The following DOCK3 variants were observed in gnomAD, a reference collection of about 807,000 sequenced individuals.
DOCK3 encodes dedicator of cytokinesis protein 3.
In DOCK3, 60 loss-of-function variants were observed where a neutral mutation model predicts 265.6. That is an observed-to-expected ratio of 0.23 (90% confidence interval 0.18 to 0.28). The LOEUF (loss-of-function observed/expected upper bound fraction) is 0.28, where lower values mean the gene tolerates loss of function less well. Ranked by LOEUF, DOCK3 falls within the 10% of genes least tolerant of loss-of-function variation. DOCK3 has a pLI of 1.00. For synonymous variants in DOCK3, 881 were observed against 938.0 expected (o/e 0.94, Z 1.11); for missense variants, 1,981 against 2,594.3 (o/e 0.76, Z 5.14).
At chr3:51,366,856 G>A (rs1009313983) in intron 49 of DOCK3, among the ~76,000 whole-genome samples, 8 of 152,182 alleles carry the variant, frequency 5.3e-5, no homozygotes, top group African/African-American at 1.4e-4. Flanking sequence ...CTGAGGCACC[G>A]TTTGTTATAA....
intron 3 of DOCK3, among the ~76,000 whole-genome samples, chr3:50,847,703 G>A (rs1034611661): frequency 2.0e-5 from 3 of 151,880 alleles, no homozygotes; most frequent in African/African-American, 2.4e-5. Context: ...GGACAACATG[G>A]TAAAACCCCA....
In DOCK3 at chr3:50,910,299, A is replaced by G. The variant is rs879284395; in HGVS notation, c.218+20218A>G. Among the ~76,000 whole-genome samples the G allele has an allele frequency of 4.6e-5, 7 of 151,860 alleles. No homozygotes were observed. The East Asian group carries it at 9.7e-4, about 21-fold the overall frequency. On this transcript the variant is annotated intron_variant, in intron 4 of 52. Coordinates refer to ENST00000266037, the MANE Select transcript of DOCK3 (RefSeq NM_004947.5). ...TGCAGTCATTTGGAGAAGAAAAGGC[A>G]CTCTGGCTTTTTGAGTTTCCAGCAT...
At chr3:51,348,779 C>T (rs374091295) in intron 38 of DOCK3, 73 bp from the exon 39 acceptor site, 1 of 1,442,444 alleles carries the variant, frequency 6.9e-7, no homozygotes, top group East Asian at 2.5e-5. Flanking sequence ...TGTGTGTCTT[C>T]TGATGTGTTT....
rs866787116 is a variant in DOCK3, at chr3:51,254,376, A to G, written c.2185-5780A>G. On this transcript the variant is annotated intron_variant, in intron 22 of 52. Coordinates refer to ENST00000266037, the MANE Select transcript of DOCK3 (RefSeq NM_004947.5). Reference sequence around the variant, plus strand: ...GGGGTGGAGAGTTCTATAAATGTCTATTAGGTCCACTTGGTGCAGAGCTGA... The same window carrying G: ...GGGGTGGAGAGTTCTATAAATGTCTGTTAGGTCCACTTGGTGCAGAGCTGA... 3.9e-4 allele frequency among the ~76,000 whole-genome samples: 60 copies of G among 152,306 alleles called. 1 individual carries two copies. The highest frequency in any genetic ancestry group is 1.4e-3 in the African/African-American group (57 of 41,558).
intron 4 of DOCK3, among the ~76,000 whole-genome samples, chr3:50,900,267 C>T (rs1488319195): frequency 2.0e-5 from 3 of 152,016 alleles, no homozygotes; most frequent in Non-Finnish European, 2.9e-5. Flanking sequence ...TTGATCGGTT[C>T]GGCTATTGAT....
intron 12 of DOCK3, among the ~76,000 whole-genome samples, chr3:51,168,075 A>C (rs2107602219): frequency 6.6e-6 from 1 of 152,320 alleles, no homozygotes; most frequent in East Asian, 1.9e-4. Flanking sequence ...CTGTGGGCTC[A>C]TGGTAAATGG....
chr3:50,959,534 G>GTA lies in DOCK3; in HGVS notation c.315+25458_315+25459insAT. ...TCACATTTTACTCTTTTTATGTTGT[G>GTA]TGTGTGTGTGTGTGTGTGTGTGTGT... is the stretch of plus-strand genomic sequence containing the variant. On this transcript the variant is annotated intron_variant, in intron 5 of 52. Transcript: ENST00000266037. Among the ~76,000 whole-genome samples the GTA allele has an allele frequency of 2.2e-5, 3 of 134,368 alleles. 1 individual carries two copies. In the South Asian group the frequency reaches 7.1e-4, roughly 32 times the overall value. 88.2% of individuals were successfully genotyped at this position (134,368 alleles called of 152,430 possible).
chr3:50,704,253 T>C (rs1315378802), intron 1 of DOCK3, among the ~76,000 whole-genome samples: 3 of 152,196 alleles, frequency 2.0e-5, no homozygotes, highest in Non-Finnish European at 4.4e-5. Context: ...TCTGCAGCAG[T>C]TGGATAAAAT....
At position 50,723,375 on chromosome 3, in the gene DOCK3, A is replaced by T. The variant is rs2037596812; in HGVS notation, c.37+48075A>T. Among the ~76,000 whole-genome samples the T allele has an allele frequency of 3.9e-5, 6 of 152,334 alleles. No homozygotes were observed. In the South Asian group the frequency reaches 1.2e-3, roughly 32 times the overall value. On this transcript the variant is annotated intron_variant, in intron 1 of 52. Coordinates refer to ENST00000266037, the MANE Select transcript of DOCK3 (RefSeq NM_004947.5). ...GAAAGTGGAATAAAAGAAATAATTC[A>T]AAAAGTAATGACTGGGTGGGTGTGG...
chr3:51,067,091 A>T (rs1399080349), intron 6 of DOCK3, among the ~76,000 whole-genome samples: 1 of 152,232 alleles, frequency 6.6e-6, no homozygotes. Flanking sequence ...TGATAAGAAT[A>T]CAGTAATTGC....
chr3:51,194,407 CAGTT>C, intron 12 of DOCK3, among the ~76,000 whole-genome samples: 1 of 152,268 alleles, frequency 6.6e-6, no homozygotes, highest in South Asian at 2.1e-4. Flanking sequence ...TCTGAAATGT[CAGTT>C]AGCTCCATTG....
chr3:50,967,120 C>CT (rs890724129), intron 5 of DOCK3, among the ~76,000 whole-genome samples: 2 of 152,078 alleles, frequency 1.3e-5, no homozygotes, highest in African/African-American at 4.8e-5. Flanking sequence ...CTGTTGAACA[C>CT]TAGAACTTAT....
intron 2 of DOCK3, among the ~76,000 whole-genome samples, chr3:50,821,302 T>C (rs2044411796): frequency 6.6e-6 from 1 of 151,946 alleles, no homozygotes; most frequent in Admixed American, 6.6e-5. Flanking sequence ...CTAGGATTTT[T>C]TTTTCTTTTT....
At chr3:50,814,455 A>G (rs1397460187) in intron 2 of DOCK3, among the ~76,000 whole-genome samples, 1 of 151,624 alleles carries the variant, frequency 6.6e-6, no homozygotes, top group Non-Finnish European at 1.5e-5. Flanking sequence ...TGGTAGAGAC[A>G]GGGTTTCATC....
At chr3:51,197,640 A>C (rs2088395359) in intron 12 of DOCK3, among the ~76,000 whole-genome samples, 1 of 152,188 alleles carries the variant, frequency 6.6e-6, no homozygotes, top group Non-Finnish European at 1.5e-5. Context: ...AAGCTGGACT[A>C]GGTAGGCTCA....
intron 5 of DOCK3, among the ~76,000 whole-genome samples, chr3:50,957,768 A>AT (rs1177896300): frequency 1.3e-5 from 2 of 152,200 alleles, no homozygotes; most frequent in African/African-American, 4.8e-5. Context: ...TACATGACAG[A>AT]TTGTTTGTAT....
intron 1 of DOCK3, among the ~76,000 whole-genome samples, chr3:50,738,013 C>CT (rs2038756381): frequency 6.6e-6 from 1 of 152,110 alleles, no homozygotes; most frequent in South Asian, 2.1e-4. Context: ...AAATAGGCAC[C>CT]TCTTTCAGTC....
chr3:51,267,110 A>G (rs192385041), intron 23 of DOCK3, among the ~76,000 whole-genome samples: 7 of 152,306 alleles, frequency 4.6e-5, no homozygotes, highest in Non-Finnish European at 7.4e-5. Context: ...AATCAAAACC[A>G]CAATGAGATA....
At chr3:50,758,998 A>G (rs2040364904) in intron 1 of DOCK3, among the ~76,000 whole-genome samples, 1 of 152,132 alleles carries the variant, frequency 6.6e-6, no homozygotes, top group Non-Finnish European at 1.5e-5. Context: ...ACCATATTTT[A>G]TCTGTTCATC....
Sources: allele counts gnomAD v4.1 joint callset (sites outside exome capture counted in the v4.1 genomes callset), GRCh38; gene constraint gnomAD v4.1.1; transcripts MANE v1.5; gene names NCBI Gene and HGNC (gene_info 2026-07-23, HGNC 2026-07-21).